L3MBTL4: variants seen among roughly 807,000 people sequenced by gnomAD.
The protein encoded by L3MBTL4 is lethal(3)malignant brain tumor-like protein 4.
In L3MBTL4, 70 loss-of-function variants were observed where a neutral mutation model predicts 84.5. The ratio of observed to expected loss-of-function variants is 0.83; its 90% CI spans 0.68 to 1.01. The LOEUF (loss-of-function observed/expected upper bound fraction) is 1.01, where lower values mean the gene tolerates loss of function less well. L3MBTL4 is among the 50% of genes least tolerant of loss of function. The pLI is 0.00. For missense variants in L3MBTL4, 715 were observed against 754.8 expected (o/e 0.95, Z 0.62); for synonymous variants, 274 against 259.8 (o/e 1.05, Z -0.52).
chr18:6,250,986 T>G (rs986133189), intron 5 of L3MBTL4, among the ~76,000 whole-genome samples: 19 of 152,222 alleles, frequency 1.2e-4, no homozygotes, highest in African/African-American at 4.6e-4. Context: ...AACTGTGATA[T>G]AAACAGCTTG....
chr18:6,101,822 A>G (rs1243821892), intron 14 of L3MBTL4, among the ~76,000 whole-genome samples: 1 of 152,264 alleles, frequency 6.6e-6, no homozygotes, highest in Non-Finnish European at 1.5e-5. Context: ...TTGCAGAAGC[A>G]TTCCAGAAGA....
At chr18:6,299,463 T>C (rs1301513404) in intron 4 of L3MBTL4, among the ~76,000 whole-genome samples, 2 of 152,210 alleles carry the variant, frequency 1.3e-5, no homozygotes, top group Admixed American at 6.5e-5. Context: ...ACTTGCTAGA[T>C]GTGGGTTCAA....
chr18:5,993,359 G>A (rs2053793123), intron 16 of L3MBTL4, among the ~76,000 whole-genome samples: 1 of 152,192 alleles, frequency 6.6e-6, no homozygotes, highest in Admixed American at 6.5e-5. Flanking sequence ...CTGAAGAACA[G>A]CCTGTCTAGG....
At chr18:6,351,773 A>T (rs369347858) in intron 1 of L3MBTL4, among the ~76,000 whole-genome samples, 7 of 151,772 alleles carry the variant, frequency 4.6e-5, no homozygotes, top group African/African-American at 1.5e-4. Context: ...GGATGGTCTC[A>T]ATCTCCTGAC....
In L3MBTL4 at chr18:5,954,775, C is replaced by G. The variant is rs1217541017; in HGVS notation, c.*1445G>C. The G allele has an allele frequency of 6.6e-6, 1 of 151,858 alleles. No homozygotes were observed. The highest frequency in any genetic ancestry group is 1.5e-5 in the Non-Finnish European group (1 of 67,998). The allele number at this position is 151,858 out of a possible 1,614,324, so 9.4% of individuals were successfully genotyped here. A position where few individuals can be genotyped will look rare whatever the true frequency, so the allele number is the denominator to read the frequency against. On this transcript the variant is annotated 3_prime_UTR_variant, in exon 19 of 19. Coordinates refer to ENST00000317931, the MANE Select transcript of L3MBTL4 (RefSeq NM_001330559.2). ...TATTAAAATTTTAACATGGCAGAAGCAGGAATTTTACTTGCACATGGCAGT... is the reference window on the plus strand; with the variant it reads ...TATTAAAATTTTAACATGGCAGAAGGAGGAATTTTACTTGCACATGGCAGT...
At chr18:6,314,653 T>C (rs1391405592) in intron 1 of L3MBTL4, among the ~76,000 whole-genome samples, 1 of 152,230 alleles carries the variant, frequency 6.6e-6, no homozygotes, top group Non-Finnish European at 1.5e-5. Flanking sequence ...TTTCCCTTCA[T>C]AGTAGAATTA....
intron 14 of L3MBTL4, among the ~76,000 whole-genome samples, chr18:6,119,355 C>T (rs2059457038): frequency 6.6e-6 from 1 of 152,188 alleles, no homozygotes; most frequent in Non-Finnish European, 1.5e-5. Context: ...ATGCTAGGCA[C>T]AGTCTAACAC....
At chr18:6,009,044 C>T (rs1240064101) in intron 16 of L3MBTL4, among the ~76,000 whole-genome samples, 1 of 152,158 alleles carries the variant, frequency 6.6e-6, no homozygotes, top group African/African-American at 2.4e-5. Context: ...TGGTGAGGAA[C>T]CACACAGACC....
intron 16 of L3MBTL4, among the ~76,000 whole-genome samples, chr18:5,991,149 C>A (rs551733783): frequency 6.6e-6 from 1 of 152,138 alleles, no homozygotes; most frequent in African/African-American, 2.4e-5. Flanking sequence ...ATGGCACTTC[C>A]ACAGACAGGC....
intron 16 of L3MBTL4, among the ~76,000 whole-genome samples, chr18:6,066,250 T>C (rs1434756125): frequency 6.6e-6 from 1 of 152,174 alleles, no homozygotes; most frequent in East Asian, 1.9e-4. Flanking sequence ...TTTAAAAATT[T>C]ATTGAGACTT....
intron 13 of L3MBTL4, among the ~76,000 whole-genome samples, chr18:6,164,647 A>G (rs111527554): frequency 6.6e-6 from 1 of 152,058 alleles, no homozygotes; most frequent in African/African-American, 2.4e-5. Context: ...AACTAACAAA[A>G]AGAAAGGACA....
At chr18:6,156,809 A>G (rs562351892) in intron 13 of L3MBTL4, among the ~76,000 whole-genome samples, 30 of 152,332 alleles carry the variant, frequency 2.0e-4, no homozygotes, top group African/African-American at 7.2e-4. Context: ...TATTTAATAC[A>G]ATCTATGATG....
chr18:6,186,243 T>C (rs1386719084), intron 12 of L3MBTL4, among the ~76,000 whole-genome samples: 3 of 151,004 alleles, frequency 2.0e-5, no homozygotes, highest in African/African-American at 7.3e-5. Flanking sequence ...GGTTTCACCA[T>C]GTTGGCCAGG....
intron 16 of L3MBTL4, among the ~76,000 whole-genome samples, chr18:6,059,148 A>G (rs1285992978): frequency 6.6e-6 from 1 of 152,182 alleles, no homozygotes; most frequent in Non-Finnish European, 1.5e-5. Context: ...ATTCTATTAT[A>G]ACCAGAGACA....
chr18:6,008,179 T>G (rs1166287487), intron 16 of L3MBTL4, among the ~76,000 whole-genome samples: 3 of 152,150 alleles, frequency 2.0e-5, no homozygotes, highest in African/African-American at 7.2e-5. Flanking sequence ...GATCTATCCT[T>G]GCAGAGTGAG....
At chr18:6,242,224 G>A (rs938693878) in intron 7 of L3MBTL4, among the ~76,000 whole-genome samples, 8 of 152,016 alleles carry the variant, frequency 5.3e-5, no homozygotes, top group Admixed American at 3.9e-4. Flanking sequence ...ACTCATCCTC[G>A]CAAAGCGCAC....
At chr18:6,012,142 C>G (rs1412799607) in intron 16 of L3MBTL4, among the ~76,000 whole-genome samples, 1 of 152,108 alleles carries the variant, frequency 6.6e-6, no homozygotes, top group Non-Finnish European at 1.5e-5. Flanking sequence ...TAAAGCCTGG[C>G]ACAGCTAACA....
intron 10 of L3MBTL4, among the ~76,000 whole-genome samples, chr18:6,236,573 C>T (rs2047224907): frequency 6.6e-6 from 1 of 152,312 alleles, no homozygotes; most frequent in East Asian, 1.9e-4. Context: ...CATTCCATGT[C>T]TCTAGGCACA....
chr18:6,240,029 G>A (rs923535211), intron 8 of L3MBTL4, among the ~76,000 whole-genome samples, 157 bp from the exon 9 acceptor site: 3 of 152,134 alleles, frequency 2.0e-5, no homozygotes, highest in South Asian at 4.1e-4. Flanking sequence ...AAAAATATCC[G>A]GCAACTGTCA....
Sources: allele counts gnomAD v4.1 joint callset (sites outside exome capture counted in the v4.1 genomes callset), GRCh38; gene constraint gnomAD v4.1.1; transcripts MANE v1.5; gene names NCBI Gene and HGNC (gene_info 2026-07-23, HGNC 2026-07-21).